ANP32E: variants seen among roughly 807,000 people sequenced by gnomAD.
ANP32E encodes acidic nuclear phosphoprotein 32 family member E, also known as acidic leucine-rich nuclear phosphoprotein 32 family member E.
ANP32E carries 14 observed loss-of-function variants against 35.3 expected under a neutral mutation model. The observed-to-expected ratio is 0.40, with a 90% confidence interval of 0.26 to 0.62. ANP32E has a LOEUF of 0.62. Among genes scored for constraint, ANP32E ranks in the 20% least tolerant of loss-of-function variants. The probability of loss-of-function intolerance (pLI) is 0.45; values close to 1 mark genes in which losing one functional copy is unlikely to be tolerated. For missense variants in ANP32E, 198 were observed against 304.4 expected, an observed-to-expected ratio of 0.65 and a Z score of 2.60; for synonymous variants, 89 against 110.4, an observed-to-expected ratio of 0.81 and a Z score of 1.22.
At position 150,219,030 on chromosome 1, in the gene ANP32E, TACA is replaced by T. The variant is rs1559990893; in HGVS notation, c.*1658_*1660del. The T allele has an allele frequency of 1.3e-5, 2 of 152,342 alleles. No homozygotes were observed. Among genetic ancestry groups the T allele is most frequent in the East Asian group, 1.9e-4 (1 of 5,192 alleles). The allele number at this position is 152,342 out of a possible 1,614,324, so 9.4% of individuals were successfully genotyped here. A position where few individuals can be genotyped will look rare whatever the true frequency, so the allele number is the denominator to read the frequency against. On this transcript the variant is annotated 3_prime_UTR_variant, in exon 7 of 7. Coordinates refer to ENST00000583931, the MANE Select transcript of ANP32E (RefSeq NM_030920.5). The stretch of plus-strand genomic sequence containing the variant: ...CCAAGGGTTTTCTTTCGGTCAGTTG[TACA>T]ACATTTTTAGTTTCTCCACAAGTAA...
chr1:150,234,648 C>G (rs1228403392), intron 1 of ANP32E: 1 of 985,480 alleles, frequency 1.0e-6, no homozygotes, highest in Non-Finnish European at 1.2e-6. Flanking sequence ...GGCCACCAGC[C>G]CTGCTCTCGC....
chr1:150,222,220 A>C (rs1648470554), intron 6 of ANP32E, among the ~76,000 whole-genome samples: 1 of 151,760 alleles, frequency 6.6e-6, no homozygotes, highest in South Asian at 2.1e-4. Flanking sequence ...GGAGATCGAG[A>C]GCAACCTTGC....
At chr1:150,226,400 G>T (rs1244616107) in intron 5 of ANP32E, among the ~76,000 whole-genome samples, 1 of 152,128 alleles carries the variant, frequency 6.6e-6, no homozygotes, top group Non-Finnish European at 1.5e-5. Context: ...AGATTTGAAA[G>T]TTATCTGGGA....
chr1:150,228,325 G>T (rs1225806192), intron 4 of ANP32E, among the ~76,000 whole-genome samples: 1 of 152,120 alleles, frequency 6.6e-6, no homozygotes, highest in East Asian at 1.9e-4. Flanking sequence ...CATTCATGTG[G>T]CATGTATCAC....
At chr1:150,226,435 T>C (rs1364980015) in intron 5 of ANP32E, among the ~76,000 whole-genome samples, 173 bp downstream of exon 5, 1 of 152,162 alleles carries the variant, frequency 6.6e-6, no homozygotes, top group Non-Finnish European at 1.5e-5. Flanking sequence ...GTGTTTATGA[T>C]TATCTGGATA....
Position 150,235,298 on chromosome 1 carries a change from G to C in ANP32E, c.54+435C>G, listed in dbSNP as rs1272887426. On this transcript the variant is annotated intron_variant, in intron 1 of 6. Coordinates refer to ENST00000583931, the MANE Select transcript of ANP32E (RefSeq NM_030920.5). This position sits in a 1 kb window ranked among gnomAD's most constrained non-coding sequence, Gnocchi z 4.2. ...GGGGAAGCCCACCCCCTAAAAAGAT[G>C]AGTTGGCCGCACTGCAGAAAAGTTG... is the stretch of plus-strand genomic sequence containing the variant. 1.3e-5 allele frequency among the ~76,000 whole-genome samples: 2 copies of C among 152,238 alleles called. No individual in the cohort carries two copies. The highest frequency in any genetic ancestry group is 4.8e-5 in the African/African-American group (2 of 41,474).
At chr1:150,231,487 C>T (rs1413718336) in intron 2 of ANP32E, among the ~76,000 whole-genome samples, 6 of 151,886 alleles carry the variant, frequency 4.0e-5, no homozygotes, top group African/African-American at 1.5e-4. Flanking sequence ...CTCAGCTACT[C>T]GGGAGGCTGA....
chr1:150,229,558 C>T (rs1455138676), intron 3 of ANP32E, among the ~76,000 whole-genome samples: 19 of 148,692 alleles, frequency 1.3e-4, no homozygotes, highest in African/African-American at 4.5e-4. Flanking sequence ...CAGCTCACCA[C>T]ACCTCCGCCT....
chr1:150,222,598 AC>A (rs1284566781), intron 6 of ANP32E, among the ~76,000 whole-genome samples: 3 of 151,112 alleles, frequency 2.0e-5, no homozygotes, highest in Admixed American at 6.6e-5. Flanking sequence ...TAAAAAAAAA[AC>A]ATACAGAAAT....
In ANP32E at chr1:150,218,867, T is replaced by C. The variant is rs1453615464; in HGVS notation, c.*1824A>G. 1 of 152,622 alleles carries C rather than the reference T, an allele frequency of 6.6e-6. No individual in the cohort carries two copies. The highest frequency in any genetic ancestry group is 1.5e-5 in the Non-Finnish European group (1 of 68,016). The allele number at this position is 152,622 out of a possible 1,614,324, so 9.5% of individuals were successfully genotyped here. A position where few individuals can be genotyped will look rare whatever the true frequency, so the allele number is the denominator to read the frequency against. Reference sequence around the variant, plus strand: ...AAGAAAGTCAATATATAGATTTCATTTTAAAAATAAGTATTTTGTAATCTG... The same window carrying C: ...AAGAAAGTCAATATATAGATTTCATCTTAAAAATAAGTATTTTGTAATCTG... On this transcript the variant is annotated 3_prime_UTR_variant, in exon 7 of 7. Coordinates refer to ENST00000583931, the MANE Select transcript of ANP32E (RefSeq NM_030920.5).
At chr1:150,223,010 T>TA (rs144787701) in intron 6 of ANP32E, among the ~76,000 whole-genome samples, 176 bp downstream of exon 6, 1,851 of 148,208 alleles carry the variant, frequency 0.012, 51 homozygotes, top group East Asian at 0.1. Context: ...CAATTACTCT[T>TA]AAAAAAAAAA....
intron 6 of ANP32E, 26 bp downstream of exon 6, chr1:150,223,160 A>G (rs2101762472): frequency 6.8e-7 from 1 of 1,477,756 alleles, no homozygotes; most frequent in Non-Finnish European, 9.2e-7. Context: ...TAATTTTATA[A>G]TTTGTTTATG....
At chr1:150,230,463 C>T in intron 3 of ANP32E, 108 bp downstream of exon 3, 2 of 1,148,128 alleles carry the variant, frequency 1.7e-6, no homozygotes, top group South Asian at 4.4e-5. Context: ...TCACAACATA[C>T]AAAAAATTCT....
At chr1:150,228,612 A>C (rs1420638863) in intron 4 of ANP32E, among the ~76,000 whole-genome samples, 2 of 152,034 alleles carry the variant, frequency 1.3e-5, no homozygotes, top group African/African-American at 4.8e-5. Context: ...GAACTGCTTG[A>C]AACCAGAAGG....
At chr1:150,231,299 G>T (rs1649326997) in intron 2 of ANP32E, among the ~76,000 whole-genome samples, 1 of 151,994 alleles carries the variant, frequency 6.6e-6, no homozygotes, top group Non-Finnish European at 1.5e-5. Context: ...TCCACTATTA[G>T]ATTTACATTT....
chr1:150,228,203 G>A (rs1649035279), intron 4 of ANP32E, among the ~76,000 whole-genome samples: 1 of 151,764 alleles, frequency 6.6e-6, no homozygotes, highest in South Asian at 2.1e-4. Context: ...TCGCCTCCCA[G>A]GTTCAAGCAA....
At chr1:150,221,988 G>A (rs1327658768) in intron 6 of ANP32E, among the ~76,000 whole-genome samples, 3 of 152,070 alleles carry the variant, frequency 2.0e-5, no homozygotes, top group Non-Finnish European at 2.9e-5. Context: ...TACTTTGGAA[G>A]AGGCTGAGGT....
At chr1:150,234,756 G>A (rs1386564399) in intron 1 of ANP32E, 6 of 824,702 alleles carry the variant, frequency 7.3e-6, no homozygotes, top group African/African-American at 1.8e-5. Flanking sequence ...TCGCGCCTTC[G>A]CCCTGGGTAG....
chr1:150,222,522 G>C (rs1648510319), intron 6 of ANP32E, among the ~76,000 whole-genome samples: 1 of 151,706 alleles, frequency 6.6e-6, no homozygotes, highest in South Asian at 2.1e-4. Flanking sequence ...TTGGGAGGGT[G>C]GGGTGGGCAG....
Sources: gnomAD v4.1 joint callset for allele counts (sites outside exome capture counted in the v4.1 genomes callset) on GRCh38, gnomAD v4.1.1 for gene constraint, Gnocchi (gnomAD v3.1) non-coding constraint, MANE v1.5 for transcripts, NCBI Gene and HGNC (gene_info 2026-07-23, HGNC 2026-07-21) for gene names.